The following SNAP91 variants were observed in gnomAD, a reference collection of about 807,000 sequenced individuals.
The protein encoded by SNAP91 is synaptosome associated protein 91.
SNAP91 carries 27 observed loss-of-function variants against 100.3 expected under a neutral mutation model. The observed-to-expected ratio is 0.27, with a 90% CI of 0.20 to 0.37. The LOEUF (loss-of-function observed/expected upper bound fraction) is 0.37, where lower values mean the gene tolerates loss of function less well. SNAP91 is among the 10% of genes least tolerant of loss of function. SNAP91 has a pLI of 1.00. For missense variants in SNAP91, 986 were observed against 1,123.7 expected, an observed-to-expected ratio of 0.88 and a Z score of 1.75; for synonymous variants, 404 against 398.6, an observed-to-expected ratio of 1.01 and a Z score of -0.16.
intron 5 of SNAP91, among the ~76,000 whole-genome samples, chr6:83,659,974 C>A (rs565068288): frequency 6.6e-6 from 1 of 152,262 alleles, no homozygotes; most frequent in African/African-American, 2.4e-5. Context: ...CTTGTCTCCA[C>A]CTTCAGGTCT....
chr6:83,552,999 C>T lies in SNAP91; in HGVS notation c.*1297G>A, dbSNP rs567881191. 1 of 152,646 alleles carries T rather than the reference C, an allele frequency of 6.6e-6. No individual in the cohort carries two copies. The highest frequency in any genetic ancestry group is 2.4e-5 in the African/African-American group (1 of 41,546). The allele number at this position is 152,646 out of a possible 1,614,324, so 9.5% of individuals were successfully genotyped here. On this transcript the variant is annotated 3_prime_UTR_variant, in exon 30 of 30. Coordinates refer to ENST00000369694, the MANE Select transcript of SNAP91 (RefSeq NM_001242792.2). ...GAAATTGGTTTTAGGTAATTTTTCC[C>T]CATTACAGTGTATGTTATCCCCACA...
Position 83,597,127 on chromosome 6 carries a change from C to T in SNAP91, c.1325-2646G>A, listed in dbSNP as rs562650975. On this transcript the variant is annotated intron_variant, in intron 16 of 29. Transcript: ENST00000369694. ...TTGAAACTAAATATTATCAACTTAACTCATCTACACCTGTCAGAAATTTTC... is the reference window on the plus strand; with the variant it reads ...TTGAAACTAAATATTATCAACTTAATTCATCTACACCTGTCAGAAATTTTC... Among the ~76,000 whole-genome samples, 9 of 152,142 alleles carry T rather than the reference C, an allele frequency of 5.9e-5. No homozygotes were observed. In the South Asian group the frequency reaches 1.7e-3, roughly 28 times the overall value.
At chr6:83,687,691 G>A (rs1192467298) in intron 2 of SNAP91, among the ~76,000 whole-genome samples, 1 of 152,136 alleles carries the variant, frequency 6.6e-6, no homozygotes, top group Non-Finnish European at 1.5e-5. Flanking sequence ...GTACTTTGTT[G>A]GGAACGGGAG....
intron 16 of SNAP91, among the ~76,000 whole-genome samples, chr6:83,599,517 T>C (rs905549458): frequency 2.0e-5 from 3 of 152,166 alleles, no homozygotes; most frequent in African/African-American, 7.2e-5. Flanking sequence ...CTATTATTAT[T>C]ATGGAACTTT....
intron 5 of SNAP91, among the ~76,000 whole-genome samples, chr6:83,660,716 A>T (rs1431082096): frequency 2.6e-5 from 4 of 152,176 alleles, no homozygotes; most frequent in South Asian, 2.1e-4. Context: ...TCAAAACCAG[A>T]TCAAAGTTCA....
chr6:83,695,160 C>T (rs1412369210), intron 2 of SNAP91, among the ~76,000 whole-genome samples: 4 of 150,740 alleles, frequency 2.7e-5, no homozygotes, highest in South Asian at 4.2e-4. Flanking sequence ...GCCTCTAATC[C>T]TACCTACTAG....
chr6:83,667,627 T>C (rs2098710415), intron 2 of SNAP91, among the ~76,000 whole-genome samples: 1 of 152,048 alleles, frequency 6.6e-6, no homozygotes, highest in Non-Finnish European at 1.5e-5. Context: ...TTGTAATTTT[T>C]ATTTTGATTT....
intron 7 of SNAP91, among the ~76,000 whole-genome samples, chr6:83,652,398 TAG>T (rs746884865): frequency 3.3e-5 from 5 of 152,140 alleles, no homozygotes; most frequent in Non-Finnish European, 4.4e-5. Flanking sequence ...GTGGTTCCCA[TAG>T]AGTTTGCTAT....
chr6:83,631,054 A>T (rs542793393), intron 8 of SNAP91, among the ~76,000 whole-genome samples: 4 of 152,208 alleles, frequency 2.6e-5, no homozygotes, highest in African/African-American at 9.6e-5. Flanking sequence ...ACTGTCATTC[A>T]GTTCGAAGAA....
intron 8 of SNAP91, among the ~76,000 whole-genome samples, 168 bp from the exon 9 acceptor site, chr6:83,623,510 CAATAT>C (rs1181485347): frequency 2.6e-5 from 4 of 151,966 alleles, no homozygotes; most frequent in African/African-American, 9.7e-5. Context: ...GTTTTTCACT[CAATAT>C]AATAGAGCAG....
chr6:83,615,720 A>G (rs578023639), intron 10 of SNAP91, among the ~76,000 whole-genome samples: 2 of 152,292 alleles, frequency 1.3e-5, no homozygotes, highest in African/African-American at 4.8e-5. Context: ...CAAATTTAAA[A>G]CACGCAATAA....
intron 26 of SNAP91, among the ~76,000 whole-genome samples, chr6:83,567,185 G>A (rs1462015218): frequency 2.6e-5 from 4 of 152,036 alleles, no homozygotes; most frequent in Non-Finnish European, 5.9e-5. Flanking sequence ...TGATCCCCCC[G>A]CCTCAGTTTC....
At chr6:83,700,893 C>T (rs1010536477) in intron 2 of SNAP91, among the ~76,000 whole-genome samples, 1 of 152,128 alleles carries the variant, frequency 6.6e-6, no homozygotes, top group African/African-American at 2.4e-5. Flanking sequence ...CCACTGCATC[C>T]AGCTCAGAGG....
At chr6:83,707,989 T>C (rs1269228599) in intron 1 of SNAP91, 32 bp from the exon 2 acceptor site, 17 of 1,505,888 alleles carry the variant, frequency 1.1e-5, no homozygotes, top group African/African-American at 5.7e-5. Context: ...GGTCCGGCTT[T>C]AATCCGCAGA....
intron 28 of SNAP91, 22 bp from the exon 29 acceptor site, chr6:83,556,267 C>A: frequency 7.5e-7 from 1 of 1,334,714 alleles, no homozygotes. Flanking sequence ...AAGCCAGCCC[C>A]AAAGAGCAGG....
At chr6:83,677,237 C>T (rs1269189056) in intron 2 of SNAP91, among the ~76,000 whole-genome samples, 1 of 152,112 alleles carries the variant, frequency 6.6e-6, no homozygotes, top group Non-Finnish European at 1.5e-5. Context: ...TAAGGGGGTA[C>T]CCTCAGAGTT....
chr6:83,601,738 T>TA, intron 14 of SNAP91, 139 bp from the exon 15 acceptor site: 1 of 773,598 alleles, frequency 1.3e-6, no homozygotes, highest in Non-Finnish European at 2.2e-6. Context: ...CATTTGCAAT[T>TA]AAAAAATAAA....
intron 26 of SNAP91, among the ~76,000 whole-genome samples, chr6:83,569,490 G>A (rs1446721960): frequency 6.6e-6 from 1 of 152,206 alleles, no homozygotes; most frequent in African/African-American, 2.4e-5. Context: ...ACTTTGCACA[G>A]TTAAGTCTTG....
intron 24 of SNAP91, among the ~76,000 whole-genome samples, chr6:83,579,197 T>C (rs1824333908): frequency 6.6e-6 from 1 of 152,164 alleles, no homozygotes; most frequent in South Asian, 2.1e-4. Flanking sequence ...TTCAAGATTG[T>C]TTGGGTATTG....
Sources: allele counts gnomAD v4.1 joint callset (sites outside exome capture counted in the v4.1 genomes callset), GRCh38; gene constraint gnomAD v4.1.1; transcripts MANE v1.5; gene names NCBI Gene and HGNC (gene_info 2026-07-23, HGNC 2026-07-21).